Variants in MAL2 observed in about 807,000 individuals in gnomAD.
The protein encoded by MAL2 is mal, T cell differentiation protein 2, also known as protein MAL2.
A neutral mutation model predicts 18.1 loss-of-function variants in MAL2; 17 were observed. The ratio of observed to expected loss-of-function variants is 0.94; its 90% CI spans 0.64 to 1.41. The LOEUF (loss-of-function observed/expected upper bound fraction) is 1.41. Among genes scored for constraint, MAL2 ranks in the 40% most tolerant of loss-of-function variants. The pLI is 0.00. For missense variants in MAL2, 222 were observed against 231.9 expected, an observed-to-expected ratio of 0.96 and a Z score of 0.28; for synonymous variants, 102 against 102.3, an observed-to-expected ratio of 1.00 and a Z score of 0.02.
chr8:119,217,615 A>G (rs942618861), intron 1 of MAL2, among the ~76,000 whole-genome samples: 2 of 152,182 alleles, frequency 1.3e-5, no homozygotes, highest in East Asian at 3.9e-4. Context: ...AGTGGCAGGG[A>G]AGGGGTCAGA....
At position 119,239,331 on chromosome 8, in the gene MAL2, T is replaced by C. The variant is rs538398101; in HGVS notation, c.304-834T>C. Among the ~76,000 whole-genome samples, 4 of 151,984 alleles carry C rather than the reference T, an allele frequency of 2.6e-5. No homozygotes were observed. In the East Asian group the frequency reaches 7.7e-4, roughly 29 times the overall value. On this transcript the variant is annotated intron_variant, in intron 2 of 3. Transcript: ENST00000614891. The stretch of plus-strand genomic sequence containing the variant: ...AACACCTTTACACTGTTGGTGGGAC[T>C]GTAAACTAGTTCAACCATTGTGGAA...
chr8:119,224,828 T>G (rs1400057181), intron 2 of MAL2, among the ~76,000 whole-genome samples: 1 of 152,238 alleles, frequency 6.6e-6, no homozygotes, highest in African/African-American at 2.4e-5. Flanking sequence ...GTTACTTCAT[T>G]TAGAATAACG....
At chr8:119,239,684 A>G (rs1394177632) in intron 2 of MAL2, among the ~76,000 whole-genome samples, 1 of 151,456 alleles carries the variant, frequency 6.6e-6, no homozygotes, top group Non-Finnish European at 1.5e-5. Context: ...AAAACCAAAC[A>G]CCACATATTC....
chr8:119,234,007 A>T (rs1033435325), intron 2 of MAL2, among the ~76,000 whole-genome samples: 13 of 152,296 alleles, frequency 8.5e-5, no homozygotes, highest in Middle Eastern at 3.4e-3. Flanking sequence ...AGCGTGAGTG[A>T]CGCAGAAGAC....
At chr8:119,234,109 G>A (rs1421908449) in intron 2 of MAL2, among the ~76,000 whole-genome samples, 1 of 152,216 alleles carries the variant, frequency 6.6e-6, no homozygotes, top group Non-Finnish European at 1.5e-5. Flanking sequence ...CGCGCACCGT[G>A]CGCGAGCCGA....
intron 2 of MAL2, among the ~76,000 whole-genome samples, chr8:119,222,354 C>T (rs183182018): frequency 6.8e-4 from 104 of 151,850 alleles, no homozygotes; most frequent in African/African-American, 2.3e-3. Flanking sequence ...CATGGTGACA[C>T]CCCGTCTCTA....
chr8:119,219,278 T>C (rs1431407615), intron 1 of MAL2, among the ~76,000 whole-genome samples: 2 of 152,230 alleles, frequency 1.3e-5, no homozygotes, highest in Admixed American at 1.3e-4. Flanking sequence ...TCATTTATGC[T>C]TTCAAAAATG....
intron 3 of MAL2, 121 bp downstream of exon 3, chr8:119,240,441 T>A: frequency 1.0e-6 from 1 of 995,734 alleles, no homozygotes; most frequent in Non-Finnish European, 1.5e-6. Context: ...ATTAAATATG[T>A]AATAGCTATT....
chr8:119,238,384 T>C (rs1236958875), intron 2 of MAL2, among the ~76,000 whole-genome samples: 1 of 152,138 alleles, frequency 6.6e-6, no homozygotes, highest in Non-Finnish European at 1.5e-5. Flanking sequence ...GCCATCCCCA[T>C]CAAGCTACCA....
chr8:119,208,791 C>A lies in MAL2; in HGVS notation c.132+187C>A, dbSNP rs1817226263. 1 of 949,726 alleles carries A rather than the reference C, an allele frequency of 1.1e-6. No individual in the cohort carries two copies. The highest frequency in any genetic ancestry group is 1.4e-6 in the Non-Finnish European group (1 of 736,442). 58.8% of individuals were successfully genotyped at this position (949,726 alleles called of 1,614,324 possible). On this transcript the variant is annotated intron_variant, in intron 1 of 3. Coordinates refer to ENST00000614891, the MANE Select transcript of MAL2 (RefSeq NM_052886.3). This position sits in a 1 kb window ranked among gnomAD's most constrained non-coding sequence, Gnocchi z 4.3. ...GCCGCCCGGGCCCTCCCTCCTAGCA[C>A]CTGTTACGCGGGCACCTGCTCCCCC...
rs1277398698 is a variant in MAL2 at position 119,244,763 on chromosome 8, CA to C, written c.*1280del. The C allele has an allele frequency of 2.0e-5, 3 of 152,360 alleles. No homozygotes were observed. The highest frequency in any genetic ancestry group is 4.4e-5 in the Non-Finnish European group (3 of 68,030). 9.4% of individuals were successfully genotyped at this position (152,360 alleles called of 1,614,324 possible). On this transcript the variant is annotated 3_prime_UTR_variant, in exon 4 of 4. Transcript: ENST00000614891. Reference sequence around the variant, plus strand: ...ATCTGTTTTAAAATCATATCCAGCACAAAAACTATTTCTGGCTGAATAGCAC... The same window carrying C: ...ATCTGTTTTAAAATCATATCCAGCACAAAACTATTTCTGGCTGAATAGCAC...
chr8:119,208,416 G>C lies in MAL2; in HGVS notation c.-57G>C. The stretch of plus-strand genomic sequence containing the variant: ...GGCGGCGGCGGCGGCAGGAGCCCGG[G>C]AGGCGGAGGCGGGAGGCGGCGGCGG... On this transcript the variant is annotated 5_prime_UTR_variant, in exon 1 of 4. Transcript: ENST00000614891. This position sits in a 1 kb window ranked among gnomAD's most constrained non-coding sequence, Gnocchi z 4.3. 1 of 1,012,938 alleles carries C rather than the reference G, an allele frequency of 9.9e-7. No homozygotes were observed. Among genetic ancestry groups the C allele is most frequent in the Non-Finnish European group, 1.2e-6 (1 of 830,214 alleles). 62.7% of individuals were successfully genotyped at this position (1,012,938 alleles called of 1,614,324 possible).
At chr8:119,240,366 C>G (rs1484238952) in intron 3 of MAL2, 46 bp downstream of exon 3, 2 of 1,593,302 alleles carry the variant, frequency 1.3e-6, no homozygotes, top group Non-Finnish European at 8.6e-7. Flanking sequence ...CACTTCCGCT[C>G]CACTGTCAAG....
At chr8:119,230,568 G>T (rs1279783698) in intron 2 of MAL2, among the ~76,000 whole-genome samples, 1 of 151,440 alleles carries the variant, frequency 6.6e-6, no homozygotes, top group African/African-American at 2.4e-5. Context: ...TGAGGTGAAT[G>T]TGGGTGACAT....
intron 2 of MAL2, among the ~76,000 whole-genome samples, chr8:119,225,257 C>T (rs1395505417): frequency 6.6e-6 from 1 of 152,144 alleles, no homozygotes; most frequent in Non-Finnish European, 1.5e-5. Flanking sequence ...TCTCCTAATG[C>T]TATCCCTCCC....
chr8:119,222,297 G>A (rs778785548), intron 2 of MAL2, among the ~76,000 whole-genome samples: 4 of 151,974 alleles, frequency 2.6e-5, no homozygotes, highest in East Asian at 1.9e-4. Context: ...TTGGGAGGCC[G>A]AGGCAGATGA....
Position 119,216,912 on chromosome 8 carries a change from G to A in MAL2, c.133-4675G>A, listed in dbSNP as rs534839653. On this transcript the variant is annotated intron_variant, in intron 1 of 3. Transcript: ENST00000614891. ...TGAAAAAATTTTTAGCTGTCAGAGGGTATGTTTAAAAGCAGGTAATTAGGA... is the reference window on the plus strand; with the variant it reads ...TGAAAAAATTTTTAGCTGTCAGAGGATATGTTTAAAAGCAGGTAATTAGGA... Among the ~76,000 whole-genome samples the A allele has an allele frequency of 2.6e-5, 4 of 152,228 alleles. No homozygotes were observed. The South Asian group carries it at 8.3e-4, about 32-fold the overall frequency.
rs938735500 is a variant in MAL2, at chr8:119,245,185, A to G, written c.*1697A>G. The stretch of plus-strand genomic sequence containing the variant: ...TTATACTTAACATCAGATCTTTTCT[A>G]TAATATCCTACTACTTTGGTTTTCC... On this transcript the variant is annotated 3_prime_UTR_variant, in exon 4 of 4. Transcript: ENST00000614891. The G allele has an allele frequency of 2.0e-5, 3 of 152,608 alleles. No homozygotes were observed. Among genetic ancestry groups the G allele is most frequent in the Non-Finnish European group, 2.9e-5 (2 of 68,038 alleles). The allele number at this position is 152,608 out of a possible 1,614,324, so 9.5% of individuals were successfully genotyped here.
At chr8:119,231,225 G>C (rs1026693796) in intron 2 of MAL2, among the ~76,000 whole-genome samples, 2 of 152,076 alleles carry the variant, frequency 1.3e-5, no homozygotes, top group African/African-American at 4.8e-5. Context: ...GTAGAGACAG[G>C]GTTTCACTGT....
Sources: allele counts gnomAD v4.1 joint callset (sites outside exome capture counted in the v4.1 genomes callset), GRCh38; gene constraint gnomAD v4.1.1; non-coding constraint Gnocchi (gnomAD v3.1); transcripts MANE v1.5; gene names NCBI Gene and HGNC (gene_info 2026-07-23, HGNC 2026-07-21).